Variants in NAA16 observed in about 807,000 individuals in gnomAD.
NAA16 encodes N-alpha-acetyltransferase 16, NatA auxiliary subunit, also known as NARG1-like protein.
Under a neutral mutation model 110.3 loss-of-function variants are expected in NAA16, and 97 were observed. That is an observed-to-expected ratio of 0.88 (90% CI 0.75 to 1.04). NAA16 has a LOEUF of 1.04. Ranked by LOEUF, NAA16 falls within the 50% of genes least tolerant of loss-of-function variation. NAA16 has a pLI of 0.00. For synonymous variants in NAA16, 372 were observed against 330.6 expected, an observed-to-expected ratio of 1.13 and a Z score of -1.36; for missense variants, 1,017 against 1,005.1, an observed-to-expected ratio of 1.01 and a Z score of -0.16.
intron 13 of NAA16, among the ~76,000 whole-genome samples, chr13:41,363,141 G>A (rs904691769): frequency 6.6e-6 from 1 of 151,494 alleles, no homozygotes; most frequent in Non-Finnish European, 1.5e-5. Context: ...AAAATATAAA[G>A]CCCTTGGGAT....
chr13:41,374,713 A>G, intron 18 of NAA16, 29 bp from the exon 19 acceptor site: 17 of 1,400,168 alleles, frequency 1.2e-5, no homozygotes, highest in Non-Finnish European at 1.7e-5. Flanking sequence ...ATAGGTGTTT[A>G]TTCATTTTGA....
In NAA16 at chr13:41,322,227, A is replaced by T. The variant is rs1247778291; in HGVS notation, c.403-829A>T. On this transcript the variant is annotated intron_variant, in intron 4 of 19. Coordinates refer to ENST00000379406, the MANE Select transcript of NAA16 (RefSeq NM_024561.5). ...GGAGACTCTGTCTCTAAAGAAAAAA[A>T]GGAGAGCTGGTGGTGAAAGTGTGAA... Among the ~76,000 whole-genome samples, 4 of 125,376 alleles carry T rather than the reference A, an allele frequency of 3.2e-5. No homozygotes were observed. In the Admixed American group the frequency reaches 3.6e-4, roughly 11 times the overall value. The allele number at this position is 125,376 out of a possible 152,430, so 82.3% of individuals were successfully genotyped here. A position where few individuals can be genotyped will look rare whatever the true frequency, so the allele number is the denominator to read the frequency against.
At chr13:41,338,167 A>G (rs895879115) in intron 9 of NAA16, among the ~76,000 whole-genome samples, 2 of 152,288 alleles carry the variant, frequency 1.3e-5, no homozygotes, top group Non-Finnish European at 2.9e-5. Context: ...CAGAGAAGAA[A>G]GGTTAGATGA....
Position 41,373,642 on chromosome 13 carries a change from AATC to A in NAA16, c.2164_2166del (p.His722del). On this transcript the variant is annotated inframe_deletion, in exon 18 of 20. Coordinates refer to ENST00000379406, the MANE Select transcript of NAA16 (RefSeq NM_024561.5). ...AAATGTTTTTGTTTTTATAGTGTCT[AATC>A]ATAGTAATCTTCCAGACATTGTGAG... The A allele has an allele frequency of 6.3e-7, 1 of 1,596,636 alleles. No individual in the cohort carries two copies. Among genetic ancestry groups the A allele is most frequent in the Non-Finnish European group, 8.5e-7 (1 of 1,173,242 alleles).
At chr13:41,371,147 T>C (rs1357223831) in intron 15 of NAA16, among the ~76,000 whole-genome samples, 1 of 152,124 alleles carries the variant, frequency 6.6e-6, no homozygotes, top group Non-Finnish European at 1.5e-5. Flanking sequence ...GAGGAATTAA[T>C]AGAAGGCAAC....
Position 41,373,656 on chromosome 13 carries a change from T to A in NAA16, c.2175T>A (p.Leu725=). ...TTATAGTGTCTAATCATAGTAATCT[T>A]CCAGACATTGTGAGCAAAGTTCTAT... ...FSKSVSNHSN[L]PDIVSKVLSQ... is the part of the protein sequence containing the mutation. Residue 725 remains leucine, a synonymous_variant, in exon 18 of 20, where the codon CTT becomes CTA. Coordinates refer to ENST00000379406, the MANE Select transcript of NAA16 (RefSeq NM_024561.5). The A allele has an allele frequency of 6.2e-7, 1 of 1,606,118 alleles. No individual in the cohort carries two copies. Among genetic ancestry groups the A allele is most frequent in the Non-Finnish European group, 8.5e-7 (1 of 1,176,976 alleles).
At chr13:41,356,193 G>C (rs1446924440) in intron 10 of NAA16, among the ~76,000 whole-genome samples, 1 of 152,108 alleles carries the variant, frequency 6.6e-6, no homozygotes, top group Admixed American at 6.5e-5. Flanking sequence ...ACACGCGGGG[G>C]TTTGGGGGAG....
At chr13:41,318,437 G>C (rs2041863627) in intron 2 of NAA16, among the ~76,000 whole-genome samples, 1 of 152,092 alleles carries the variant, frequency 6.6e-6, no homozygotes, top group South Asian at 2.1e-4. Context: ...CTTGACCTCA[G>C]ATGATCCACC....
rs536645799 is a variant in NAA16 at position 41,324,789 on chromosome 13, G to A, written c.538-909G>A. ...GTCTTGAACTCTTAGGCTACGACTA[G>A]GACTTGAACTCCTAGCTAGGACTGC... On this transcript the variant is annotated intron_variant, in intron 5 of 19. Transcript: ENST00000379406. Among the ~76,000 whole-genome samples, 8 of 151,812 alleles carry A rather than the reference G, an allele frequency of 5.3e-5. No individual in the cohort carries two copies. The South Asian group carries it at 1.5e-3, about 28-fold the overall frequency.
intron 9 of NAA16, among the ~76,000 whole-genome samples, chr13:41,349,061 T>A (rs759851718): frequency 6.6e-6 from 1 of 152,202 alleles, no homozygotes; most frequent in Non-Finnish European, 1.5e-5. Flanking sequence ...ATTTTCTTGA[T>A]CTAAAGAGCC....
intron 5 of NAA16, 110 bp from the exon 6 acceptor site, chr13:41,325,588 G>A (rs2042071760): frequency 1.1e-5 from 6 of 561,220 alleles, no homozygotes; most frequent in Admixed American, 3.9e-5. Flanking sequence ...CTGCTTGTGG[G>A]TTGCTTTCTT....
intron 17 of NAA16, chr13:41,373,101 A>G: frequency 1.1e-6 from 1 of 919,802 alleles, no homozygotes; most frequent in Non-Finnish European, 1.3e-6. Context: ...AATAATTTAC[A>G]TAGTTAAATG....
rs1261571923 is a variant in NAA16, at chr13:41,358,317, G to C, written c.1101G>C (p.Lys367Asn). ...DFFSPYENGEKEPPTTLLWVQ... is the reference protein window; with the variant it reads ...DFFSPYENGENEPPTTLLWVQ... The stretch of plus-strand genomic sequence containing the variant: ...GTTTGATTGCAGAGAATGGGGAGAA[G>C]GAACCCCCGACAACACTACTCTGGG... The change falls in exon 11 of 20, where the codon AAG becomes AAC. Residue 367 changes from lysine (K) to asparagine (N), a missense_variant. Lys to Asn is a moderately conservative substitution (Grantham distance 94, BLOSUM62 0). Transcript: ENST00000379406. The C allele has an allele frequency of 1.2e-6, 2 of 1,612,788 alleles. No individual in the cohort carries two copies. The highest frequency in any genetic ancestry group is 2.7e-5 in the African/African-American group (2 of 74,856).
Position 41,320,676 on chromosome 13 carries a change from T to C in NAA16, c.254T>C (p.Val85Ala), listed in dbSNP as rs2041922615. The change falls in exon 4 of 20, where the codon GTA becomes GCA. Residue 85 changes from valine to alanine, a missense_variant. Coordinates refer to ENST00000379406, the MANE Select transcript of NAA16 (RefSeq NM_024561.5). ...NDVKSHVCWHVYGLLQRSDKK... is the reference protein window; with the variant it reads ...NDVKSHVCWHAYGLLQRSDKK... ...TTCCTTAACTTAATAGGTTGGCATG[T>C]ATATGGACTCTTGCAGCGTTCTGAT... 6.2e-7 allele frequency: 1 copy of C among 1,608,106 alleles called. No homozygotes were observed. The highest frequency in any genetic ancestry group is 8.5e-7 in the Non-Finnish European group (1 of 1,178,274).
In NAA16 at chr13:41,337,325, C is replaced by T. The variant is rs555898483; in HGVS notation, c.1014+569C>T. ...TTGGGAGGCTGAGGTAGGCAGATCG[C>T]GAGGTCAGGAAATTGAGACTATCCT... On this transcript the variant is annotated intron_variant, in intron 9 of 19. Transcript: ENST00000379406. Among the ~76,000 whole-genome samples, 8 of 152,132 alleles carry T rather than the reference C, an allele frequency of 5.3e-5. No homozygotes were observed. The South Asian group carries it at 8.3e-4, about 16-fold the overall frequency.
intron 8 of NAA16, among the ~76,000 whole-genome samples, chr13:41,334,455 G>A (rs1451220723): frequency 1.3e-5 from 2 of 152,056 alleles, no homozygotes; most frequent in Non-Finnish European, 1.5e-5. Context: ...TATTTAGAAC[G>A]GATTTCCAGT....
chr13:41,333,913 C>A (rs891265985), intron 8 of NAA16, among the ~76,000 whole-genome samples: 5 of 151,658 alleles, frequency 3.3e-5, no homozygotes, highest in Non-Finnish European at 7.4e-5. Flanking sequence ...GACATGCTGT[C>A]TTTGAAATGC....
chr13:41,355,338 T>C (rs2042953568), intron 10 of NAA16, 122 bp downstream of exon 10: 6 of 597,462 alleles, frequency 1.0e-5, no homozygotes, highest in Non-Finnish European at 1.7e-5. Context: ...GGCTTTCAAA[T>C]TGGTGAATGA....
intron 1 of NAA16, 132 bp downstream of exon 1, chr13:41,311,714 G>T (rs9532781): frequency 0.7 from 569,440 of 808,508 alleles, 207,045 homozygotes; most frequent in South Asian, 0.78. Flanking sequence ...TTACCTCGGA[G>T]GTCGCGGGAC....
Sources: allele counts gnomAD v4.1 joint callset (sites outside exome capture counted in the v4.1 genomes callset), GRCh38; gene constraint gnomAD v4.1.1; transcripts MANE v1.5; gene names NCBI Gene and HGNC (gene_info 2026-07-23, HGNC 2026-07-21).